TRIM14: variants seen among roughly 807,000 people sequenced by gnomAD.
TRIM14 encodes tripartite motif containing 14, also known as tripartite motif-containing protein 14.
In TRIM14, 28 loss-of-function variants were observed where a neutral mutation model predicts 44.5. The ratio of observed to expected loss-of-function variants is 0.63; its 90% CI spans 0.47 to 0.86. The LOEUF (loss-of-function observed/expected upper bound fraction) is 0.86. Among genes scored for constraint, TRIM14 ranks in the 40% least tolerant of loss-of-function variants. The pLI is 0.00. For synonymous variants in TRIM14, 299 were observed against 269.2 expected, an observed-to-expected ratio of 1.11 and a Z score of -1.08; for missense variants, 607 against 611.1, an observed-to-expected ratio of 0.99 and a Z score of 0.07.
chr9:98,069,576 A>T (rs977580406), exon 7 of TRIM14: 1 of 152,328 alleles, frequency 6.6e-6, no homozygotes, highest in African/African-American at 2.4e-5. Flanking sequence ...CCAGCCAGGA[A>T]TGAACTATTG....
chr9:98,097,550 T>G (rs1229140275), intron 3 of TRIM14, among the ~76,000 whole-genome samples: 1 of 152,218 alleles, frequency 6.6e-6, no homozygotes, highest in Non-Finnish European at 1.5e-5. Context: ...TTGGACATAA[T>G]TTTGCTAGCT....
the TRIM14 span, among the ~76,000 whole-genome samples, chr9:98,049,239 G>T: frequency 3.4e-5 from 5 of 148,966 alleles, no homozygotes; most frequent in Non-Finnish European, 7.4e-5. Flanking sequence ...CTACTCAGGA[G>T]GCTGAGGCAG....
At chr9:98,082,762 G>C, downstream of TRIM14, 1 of 1,340,660 alleles carries the variant, frequency 7.5e-7, no homozygotes, top group South Asian at 1.3e-5. Flanking sequence ...GGGGAAGACT[G>C]ATCAGGGACC....
downstream of TRIM14, among the ~76,000 whole-genome samples, chr9:98,082,649 C>G (rs1460752020): frequency 6.6e-6 from 1 of 152,218 alleles, no homozygotes; most frequent in Admixed American, 6.5e-5. Context: ...GGCTCCTCCT[C>G]TGAGTCTCTG....
At chr9:98,091,768 T>TA (rs1189843140) in intron 5 of TRIM14, 141 bp downstream of exon 5, 1 of 466,462 alleles carries the variant, frequency 2.1e-6, no homozygotes, top group Non-Finnish European at 3.3e-6. Flanking sequence ...AAACATTTTT[T>TA]AAAAAACAAG....
chr9:98,081,042 C>T (rs1410413075), downstream of TRIM14: 10 of 1,614,006 alleles, frequency 6.2e-6, no homozygotes, highest in African/African-American at 1.3e-5. Flanking sequence ...GGCTCCCCAA[C>T]CAAGCAGCTG....
chr9:98,043,801 G>C, the TRIM14 span, among the ~76,000 whole-genome samples: 1 of 151,628 alleles, frequency 6.6e-6, no homozygotes, highest in Non-Finnish European at 1.5e-5. Context: ...AAAGCAAGCA[G>C]AAAAGAAAAT....
intron 1 of TRIM14, among the ~76,000 whole-genome samples, chr9:98,111,698 G>A (rs1001461510): frequency 6.6e-6 from 1 of 152,196 alleles, no homozygotes; most frequent in Admixed American, 6.5e-5. Context: ...CCAGCACTTT[G>A]GGAGGCCAAG....
At chr9:98,046,162 G>C in the TRIM14 span, among the ~76,000 whole-genome samples, 1 of 152,010 alleles carries the variant, frequency 6.6e-6, no homozygotes, top group South Asian at 2.1e-4. Flanking sequence ...AAAATCATTG[G>C]CTAAGTTAAT....
chr9:98,111,048 T>TC (rs147862175), intron 1 of TRIM14, among the ~76,000 whole-genome samples: 8,420 of 143,290 alleles, frequency 0.059, 325 homozygotes, highest in Non-Finnish European at 0.092. Flanking sequence ...TGAGACCCTG[T>TC]CCCCCCCCCC....
At chr9:98,059,562 A>T in the TRIM14 span, among the ~76,000 whole-genome samples, 1 of 152,064 alleles carries the variant, frequency 6.6e-6, no homozygotes, top group African/African-American at 2.4e-5. Context: ...CTACAAGCGT[A>T]TGCCACCATG....
intron 6 of TRIM14, chr9:98,075,984 T>C (rs942658279): frequency 1.3e-5 from 2 of 152,162 alleles, no homozygotes; most frequent in African/African-American, 4.8e-5. Flanking sequence ...CTGAGTCTTG[T>C]TGATGAATAC....
the TRIM14 span, chr9:98,056,627 C>T: frequency 2.1e-6 from 2 of 935,936 alleles, no homozygotes; most frequent in Admixed American, 3.5e-5. Flanking sequence ...CCCCGCCCCC[C>T]GCCCCGATTG....
chr9:98,109,642 C>A (rs977237146), intron 2 of TRIM14, among the ~76,000 whole-genome samples: 2 of 152,208 alleles, frequency 1.3e-5, no homozygotes, highest in African/African-American at 4.8e-5. Flanking sequence ...CAGAGATTTG[C>A]CACAAAGCAA....
the TRIM14 span, among the ~76,000 whole-genome samples, chr9:98,048,064 C>CA: frequency 2.2e-3 from 234 of 107,478 alleles, 1 homozygote; most frequent in Admixed American, 5.1e-3. Context: ...GACTCCTTCT[C>CA]AAAAAAAAAA....
chr9:98,037,356 C>T, the TRIM14 span, among the ~76,000 whole-genome samples: 6 of 152,002 alleles, frequency 3.9e-5, no homozygotes, highest in South Asian at 8.3e-4. Flanking sequence ...CCAGTCCGGG[C>T]GACAGAGCAA....
At chr9:98,069,890 C>A (rs914142930) in intron 6 of TRIM14, among the ~76,000 whole-genome samples, 2 of 152,090 alleles carry the variant, frequency 1.3e-5, no homozygotes, top group African/African-American at 4.8e-5. Flanking sequence ...TATAGGCACA[C>A]AGAAATGAAT....
chr9:98,065,483 ATTTTTTTTTTTTTT>A (rs397837187), downstream of TRIM14, among the ~76,000 whole-genome samples: 4 of 58,632 alleles, frequency 6.8e-5, 1 homozygote, highest in South Asian at 2.0e-3. Flanking sequence ...TGCCCAGCTA[ATTTTTTTTTTTTTT>A]TTTTTTTTTT....
chr9:98,036,618 A>G, the TRIM14 span, among the ~76,000 whole-genome samples: 1 of 152,176 alleles, frequency 6.6e-6, no homozygotes, highest in Admixed American at 6.5e-5. Flanking sequence ...CCTAACCAAC[A>G]TGGAGAAACC....
Sources: allele counts gnomAD v4.1 joint callset (sites outside exome capture counted in the v4.1 genomes callset), GRCh38; gene constraint gnomAD v4.1.1; transcripts MANE v1.5; gene names NCBI Gene and HGNC (gene_info 2026-07-23, HGNC 2026-07-21).